AVEN: variants seen among roughly 807,000 people sequenced by gnomAD.
AVEN encodes cell death regulator Aven.
AVEN carries 41 observed loss-of-function variants against 38.1 expected under a neutral mutation model. The ratio of observed to expected loss-of-function variants is 1.08; its 90% confidence interval spans 0.84 to 1.40. AVEN has a LOEUF of 1.40. AVEN is among the 40% of genes most tolerant of loss of function. The probability of loss-of-function intolerance (pLI) is 0.00; values close to 1 mark genes in which losing one functional copy is unlikely to be tolerated. For missense variants in AVEN, 605 were observed against 438.8 expected, an observed-to-expected ratio of 1.38 and a Z score of -3.38; for synonymous variants, 206 against 171.8, an observed-to-expected ratio of 1.20 and a Z score of -1.56.
chr15:33,972,079 T>G (rs950940395), intron 2 of AVEN: 1 of 152,158 alleles, frequency 6.6e-6, no homozygotes, highest in Non-Finnish European at 1.5e-5. Context: ...ATGCTTTTAT[T>G]GCATTTGTCA....
intron 1 of AVEN, among the ~76,000 whole-genome samples, chr15:34,010,163 A>C (rs527470): frequency 0.99 from 151,029 of 152,196 alleles, 74,947 homozygotes; most frequent in Middle Eastern, 1. Flanking sequence ...CTTAACAGAA[A>C]CAATAAAAAG....
chr15:33,861,593 C>A (rs1888239931), downstream of AVEN, among the ~76,000 whole-genome samples: 1 of 151,978 alleles, frequency 6.6e-6, no homozygotes, highest in Non-Finnish European at 1.5e-5. Flanking sequence ...CATGCTCAGT[C>A]ACTGTCTTCA....
At chr15:33,937,058 G>A (rs1378858072) in intron 2 of AVEN, among the ~76,000 whole-genome samples, 1 of 147,890 alleles carries the variant, frequency 6.8e-6, no homozygotes, top group South Asian at 2.1e-4. Flanking sequence ...GTGAACCCAG[G>A]AGGCGGTGCT....
intron 2 of AVEN, among the ~76,000 whole-genome samples, chr15:33,913,403 G>A (rs577957819): frequency 6.6e-6 from 1 of 152,284 alleles, no homozygotes; most frequent in Non-Finnish European, 1.5e-5. Context: ...GAGGATAATA[G>A]AGACAACCAA....
downstream of AVEN, chr15:33,865,322 T>C: frequency 1.2e-6 from 1 of 828,546 alleles, no homozygotes; most frequent in South Asian, 1.8e-5. Context: ...AAATGTGACA[T>C]TTTCTAAATG....
chr15:33,869,541 G>C (rs906476921), intron 4 of AVEN, among the ~76,000 whole-genome samples: 1 of 152,134 alleles, frequency 6.6e-6, no homozygotes, highest in Non-Finnish European at 1.5e-5. Context: ...AGAGCCACTA[G>C]TGCTCTCCCA....
chr15:33,863,290 C>T (rs1889171772), downstream of AVEN, among the ~76,000 whole-genome samples: 1 of 152,142 alleles, frequency 6.6e-6, no homozygotes, highest in South Asian at 2.1e-4. Flanking sequence ...AGAGATTAAC[C>T]CTACTGTCTT....
intron 4 of AVEN, among the ~76,000 whole-genome samples, chr15:33,869,539 T>C (rs1890845505): frequency 6.6e-6 from 1 of 152,174 alleles, no homozygotes; most frequent in African/African-American, 2.4e-5. Flanking sequence ...GAAGAGCCAC[T>C]AGTGCTCTCC....
At chr15:34,074,263 G>T (rs1900692029) in intron 1 of AVEN, among the ~76,000 whole-genome samples, 1 of 151,876 alleles carries the variant, frequency 6.6e-6, no homozygotes, top group East Asian at 1.9e-4. Context: ...CTCCCAAAGT[G>T]CTGGGATTAC....
chr15:34,037,493 AT>A (rs915204664), intron 1 of AVEN, among the ~76,000 whole-genome samples: 3 of 149,692 alleles, frequency 2.0e-5, no homozygotes, highest in African/African-American at 7.3e-5. Flanking sequence ...AATATATAAC[AT>A]TGTAGTTAAT....
chr15:34,058,575 C>CACACACAT (rs1900235828), intron 5 of AVEN, among the ~76,000 whole-genome samples: 1 of 151,742 alleles, frequency 6.6e-6, no homozygotes, highest in Non-Finnish European at 1.5e-5. Flanking sequence ...CACACACACA[C>CACACACAT]ACACACACAC....
chr15:33,863,720 G>A (rs147118239), downstream of AVEN, among the ~76,000 whole-genome samples: 10 of 152,272 alleles, frequency 6.6e-5, no homozygotes, highest in South Asian at 1.9e-3. Flanking sequence ...TTCCATGACA[G>A]ATATTCTTGA....
intron 2 of AVEN, among the ~76,000 whole-genome samples, chr15:33,880,992 A>G (rs1891464098): frequency 1.3e-5 from 2 of 152,252 alleles, no homozygotes; most frequent in African/African-American, 4.8e-5. Flanking sequence ...AAGTTACCAC[A>G]TTTTGTTTTC....
chr15:33,908,046 T>C (rs1053277730), intron 2 of AVEN, among the ~76,000 whole-genome samples: 1 of 152,236 alleles, frequency 6.6e-6, no homozygotes, highest in Non-Finnish European at 1.5e-5. Context: ...ATTTTTCATT[T>C]ACATTGTATA....
chr15:33,964,106 T>TAAAA (rs35355454), intron 2 of AVEN, among the ~76,000 whole-genome samples: 1 of 145,202 alleles, frequency 6.9e-6, no homozygotes. Context: ...AGTCCTTACT[T>TAAAA]AAAAAAAAAA....
Position 33,930,693 on chromosome 15 carries a change from C to T in AVEN, c.446-54698G>A, listed in dbSNP as rs199884706. Among the ~76,000 whole-genome samples the T allele has an allele frequency of 1.8e-4, 27 of 152,288 alleles. No individual in the cohort carries two copies. In the East Asian group the frequency reaches 1.9e-3, roughly 11 times the overall value. ...AGAACTGGCCGGGCGCGGTGGCTCA[C>T]GCCTGTAATCCCAGCACTTTGGGAG... On this transcript the variant is annotated intron_variant, in intron 2 of 5. Coordinates refer to ENST00000306730, the MANE Select transcript of AVEN (RefSeq NM_020371.3).
At chr15:34,065,824 ATTATT>A (rs1289588389) in intron 4 of AVEN, 1 of 152,220 alleles carries the variant, frequency 6.6e-6, no homozygotes, top group African/African-American at 2.4e-5. Flanking sequence ...CCTGTCAGAC[ATTATT>A]TAACTCGTTG....
At chr15:34,014,930 G>C (rs961442901) in intron 1 of AVEN, among the ~76,000 whole-genome samples, 1 of 152,174 alleles carries the variant, frequency 6.6e-6, no homozygotes, top group African/African-American at 2.4e-5. Flanking sequence ...AAACAGAAAG[G>C]AAGGGTCAGA....
rs139079651 is a variant in AVEN at position 33,932,385 on chromosome 15, G to A, written c.446-56390C>T. ...GGACAGTGCCATGAAGACAGACATA[G>A]TTCCCAGGACAACTCTATGTACACT... is the stretch of plus-strand genomic sequence containing the variant. On this transcript the variant is annotated intron_variant, in intron 2 of 5. Transcript: ENST00000306730. 6.0e-4 allele frequency among the ~76,000 whole-genome samples: 91 copies of A among 152,296 alleles called. 1 individual carries two copies. The East Asian group carries it at 0.017, about 28-fold the overall frequency.
Sources: allele counts gnomAD v4.1 joint callset (sites outside exome capture counted in the v4.1 genomes callset), GRCh38; gene constraint gnomAD v4.1.1; transcripts MANE v1.5; gene names NCBI Gene and HGNC (gene_info 2026-07-23, HGNC 2026-07-21).